The following EHMT1 variants were observed in gnomAD, a reference collection of about 807,000 sequenced individuals.
EHMT1 encodes the protein histone-lysine N-methyltransferase EHMT1.
EHMT1 carries 15 observed loss-of-function variants against 147.2 expected under a neutral mutation model. The observed-to-expected ratio is 0.10, with a 90% CI of 0.07 to 0.16. EHMT1 has a LOEUF of 0.16. Ranked by LOEUF, EHMT1 falls within the 10% of genes least tolerant of loss-of-function variation. EHMT1 has a pLI of 1.00. For missense variants in EHMT1, 1,587 were observed against 1,772.4 expected (o/e 0.90, Z 1.88); for synonymous variants, 795 against 709.6 (o/e 1.12, Z -1.91).
chr9:137,682,726 A>T (rs2501556), intron 1 of EHMT1, among the ~76,000 whole-genome samples: 1 of 152,072 alleles, frequency 6.6e-6, no homozygotes, highest in East Asian at 1.9e-4. Context: ...CCCTGGGGTC[A>T]TATCCAACCC....
intron 1 of EHMT1, among the ~76,000 whole-genome samples, chr9:137,628,021 A>T (rs1472534538): frequency 6.6e-6 from 1 of 152,238 alleles, no homozygotes; most frequent in East Asian, 1.9e-4. Flanking sequence ...TTTTTGGTGG[A>T]CCTTTTTATG....
chr9:137,803,680 T>G (rs1402338064), intron 18 of EHMT1, among the ~76,000 whole-genome samples: 1 of 152,050 alleles, frequency 6.6e-6, no homozygotes, highest in East Asian at 1.9e-4. Context: ...GTGTCTAGGC[T>G]TAACATTTTC....
At chr9:137,646,522 G>A in intron 1 of EHMT1, 7 of 909,182 alleles carry the variant, frequency 7.7e-6, no homozygotes, top group Non-Finnish European at 7.9e-6. Context: ...AGCAGCCTTG[G>A]CTGCCCAACC....
At chr9:137,624,682 G>A (rs1390081817) in intron 1 of EHMT1, among the ~76,000 whole-genome samples, 2 of 151,944 alleles carry the variant, frequency 1.3e-5, no homozygotes, top group African/African-American at 2.4e-5. Context: ...GGCTGGTCTC[G>A]AACTCCTGAC....
Position 137,813,638 on chromosome 9 carries a change from G to A in EHMT1, c.3180+108G>A, listed in dbSNP as rs1389784964. ...CACCACTCAGAGCAGGAGGGCTTAT[G>A]GGGGGCTTCCCAGGAAGACCTCATT... On this transcript the variant is annotated intron_variant, in intron 21 of 26. Transcript: ENST00000460843. This position sits in a 1 kb window ranked among gnomAD's most constrained non-coding sequence, Gnocchi z 4.9. 6.7e-7 allele frequency: 1 copy of A among 1,489,154 alleles called. No individual in the cohort carries two copies. 92.2% of individuals were successfully genotyped at this position (1,489,154 alleles called of 1,614,324 possible).
intron 2 of EHMT1, among the ~76,000 whole-genome samples, chr9:137,712,045 C>T (rs1434326172): frequency 1.3e-5 from 2 of 152,244 alleles, no homozygotes; most frequent in Non-Finnish European, 2.9e-5. Flanking sequence ...TGCCGCTACC[C>T]CTAGCCGGCC....
intron 18 of EHMT1, chr9:137,802,557 A>C: frequency 2.5e-6 from 1 of 398,414 alleles, no homozygotes; most frequent in Middle Eastern, 6.3e-4. Context: ...CTGAGGAGGG[A>C]GGGCTGACAC....
chr9:137,792,709 A>G (rs527449313), intron 16 of EHMT1, among the ~76,000 whole-genome samples: 1 of 152,360 alleles, frequency 6.6e-6, no homozygotes, highest in South Asian at 2.1e-4. Flanking sequence ...CTGTTTCAAA[A>G]AAAAGGAAAA....
rs187767408 is a variant in EHMT1 at position 137,636,858 on chromosome 9, A to T, written c.21+17809A>T. On this transcript the variant is annotated intron_variant, in intron 1 of 26. Transcript: ENST00000460843. ...TGTTGGTCTGTAGGTACCTCTTTTTAAAAAAAATTTATTATTTTTTTTTGA... is the reference window on the plus strand; with the variant it reads ...TGTTGGTCTGTAGGTACCTCTTTTTTAAAAAAATTTATTATTTTTTTTTGA... Among the ~76,000 whole-genome samples, 813 of 150,928 alleles carry T rather than the reference A, an allele frequency of 5.4e-3. 28 individuals carry two copies. Among genetic ancestry groups the T allele is most frequent in the Admixed American group, 0.044 (667 of 15,112 alleles).
At chr9:137,699,641 T>C (rs931288400) in intron 1 of EHMT1, among the ~76,000 whole-genome samples, 46 of 150,506 alleles carry the variant, frequency 3.1e-4, no homozygotes, top group African/African-American at 1.1e-3. Flanking sequence ...CGCCACTGCA[T>C]TCCAGCCTGG....
chr9:137,626,686 C>T (rs1052899514), intron 1 of EHMT1, among the ~76,000 whole-genome samples: 3 of 152,088 alleles, frequency 2.0e-5, no homozygotes, highest in African/African-American at 7.2e-5. Context: ...GAATAAAGCA[C>T]TCACCATGGA....
intron 1 of EHMT1, among the ~76,000 whole-genome samples, chr9:137,634,999 T>C (rs187086675): frequency 2.0e-5 from 3 of 148,974 alleles, no homozygotes; most frequent in Admixed American, 6.8e-5. Context: ...GGATTACAGG[T>C]GTGAGCCACT....
At chr9:137,799,050 G>C (rs1031165594) in intron 17 of EHMT1, 136 bp downstream of exon 17, 5 of 755,644 alleles carry the variant, frequency 6.6e-6, no homozygotes, top group African/African-American at 3.4e-5. Flanking sequence ...GCCCTCCAGC[G>C]TCCTCTTCCA....
In EHMT1 at chr9:137,731,671, T is replaced by G. The variant is rs373712287; in HGVS notation, c.823+3142T>G. On this transcript the variant is annotated intron_variant, in intron 4 of 26. Transcript: ENST00000460843. This position sits in a 1 kb window ranked among gnomAD's most constrained non-coding sequence, Gnocchi z 4.3. ...CAGCCAGCGGCGCCTCTGCTTGAGT[T>G]TCACTTGCACCTGCTGGGCTCATTC... is the stretch of plus-strand genomic sequence containing the variant. 7.2e-5 allele frequency among the ~76,000 whole-genome samples: 11 copies of G among 152,246 alleles called. No individual in the cohort carries two copies. The highest frequency in any genetic ancestry group is 5.8e-4 in the East Asian group (3 of 5,168).
chr9:137,687,422 G>A (rs1485289274), intron 1 of EHMT1, among the ~76,000 whole-genome samples: 1 of 152,184 alleles, frequency 6.6e-6, no homozygotes, highest in Non-Finnish European at 1.5e-5. Context: ...AGTTTAGGTG[G>A]AGGAGTTGAG....
At chr9:137,735,379 GA>G (rs1444150408) in intron 4 of EHMT1, among the ~76,000 whole-genome samples, 3 of 151,924 alleles carry the variant, frequency 2.0e-5, no homozygotes, top group Non-Finnish European at 4.4e-5. Flanking sequence ...TAACCACAAA[GA>G]AAATAGCTAT....
intron 1 of EHMT1, among the ~76,000 whole-genome samples, chr9:137,651,825 G>T (rs751253726): frequency 6.6e-6 from 1 of 152,054 alleles, no homozygotes; most frequent in Admixed American, 6.6e-5. Flanking sequence ...TAGTGGAGCC[G>T]AAAAGTTCCT....
chr9:137,756,138 G>A (rs1462688547), intron 8 of EHMT1, among the ~76,000 whole-genome samples: 1 of 152,208 alleles, frequency 6.6e-6, no homozygotes, highest in East Asian at 1.9e-4. Flanking sequence ...GGTCACAGAG[G>A]TTTTGTCCCT....
At chr9:137,688,034 AT>A (rs1333829631) in intron 1 of EHMT1, among the ~76,000 whole-genome samples, 1 of 151,814 alleles carries the variant, frequency 6.6e-6, no homozygotes, top group Non-Finnish European at 1.5e-5. Context: ...TTGGTTTGGA[AT>A]TTTTTTTAGA....
Sources: gnomAD v4.1 joint callset for allele counts (sites outside exome capture counted in the v4.1 genomes callset) on GRCh38, gnomAD v4.1.1 for gene constraint, Gnocchi (gnomAD v3.1) non-coding constraint, MANE v1.5 for transcripts, NCBI Gene and HGNC (gene_info 2026-07-23, HGNC 2026-07-21) for gene names.